AKAP8L: variants seen among roughly 807,000 people sequenced by gnomAD.
AKAP8L encodes A-kinase anchor protein 8-like.
A neutral mutation model predicts 77.5 loss-of-function variants in AKAP8L; 34 were observed. The ratio of observed to expected loss-of-function variants is 0.44; its 90% CI spans 0.33 to 0.58. The LOEUF is 0.58. Ranked by LOEUF, AKAP8L falls within the 20% of genes least tolerant of loss-of-function variation. AKAP8L has a pLI of 0.02. For missense variants in AKAP8L, 806 were observed against 887.6 expected, an observed-to-expected ratio of 0.91 and a Z score of 1.17; for synonymous variants, 342 against 340.7, an observed-to-expected ratio of 1.00 and a Z score of -0.04.
intron 12 of AKAP8L, chr19:15,380,837 G>T (rs1967396491): frequency 3.5e-6 from 2 of 578,106 alleles, no homozygotes; most frequent in African/African-American, 3.7e-5. Flanking sequence ...TAAAAATACA[G>T]ATCTATATAT....
intron 1 of AKAP8L, among the ~76,000 whole-genome samples, chr19:15,418,493 G>A (rs1176008524): frequency 1.3e-5 from 2 of 151,608 alleles, no homozygotes; most frequent in Admixed American, 1.3e-4. Context: ...CGTTTTTGCA[G>A]AGAAACTGCG....
At chr19:15,404,972 T>A (rs543928343) in intron 2 of AKAP8L, among the ~76,000 whole-genome samples, 59 of 152,374 alleles carry the variant, frequency 3.9e-4, no homozygotes, top group Non-Finnish European at 6.8e-4. Flanking sequence ...GAACTGCTGA[T>A]GACCACTATG....
In AKAP8L at chr19:15,401,201, G is replaced by A; in HGVS notation, c.765C>T (p.Gly255=). ...TCCAGGTCCGCCTCATCTGCTTCAT[G>A]CCATTGCCAAACCCGAAACCAAAGC... ...GSRFGFGFGN[G]MKQMRRTWKT... is the part of the protein sequence containing the mutation. The change falls in exon 5 of 14, where the codon GGC becomes GGT. Residue 255 remains glycine (G), a synonymous_variant. Transcript: ENST00000397410. The surrounding 1 kb of genome is among the most constrained non-coding windows in gnomAD (Gnocchi z 6.2). 2 of 1,611,992 alleles carry A rather than the reference G, an allele frequency of 1.2e-6. No homozygotes were observed. The highest frequency in any genetic ancestry group is 1.7e-6 in the Non-Finnish European group (2 of 1,179,188).
intron 12 of AKAP8L, among the ~76,000 whole-genome samples, chr19:15,394,141 T>C (rs1421436738): frequency 6.6e-6 from 1 of 152,156 alleles, no homozygotes; most frequent in Non-Finnish European, 1.5e-5. Context: ...AGAGCATTAT[T>C]CATAATAGCC....
chr19:15,399,457 A>G lies in AKAP8L; in HGVS notation c.1049-47T>C, dbSNP rs371274303. ...GTCACCAATTTGGCTCTGCCAGGACAGGGCAGGCCCTGCGGCCTCTGGCTG... is the reference window on the plus strand; with the variant it reads ...GTCACCAATTTGGCTCTGCCAGGACGGGGCAGGCCCTGCGGCCTCTGGCTG... On this transcript the variant is annotated intron_variant, in intron 8 of 13. Transcript: ENST00000397410. This position sits in a 1 kb window ranked among gnomAD's most constrained non-coding sequence, Gnocchi z 6.1. The G allele has an allele frequency of 1.0e-5, 15 of 1,444,292 alleles. No individual in the cohort carries two copies. In the African/African-American group the frequency reaches 2.0e-4, roughly 19 times the overall value. 89.5% of individuals were successfully genotyped at this position (1,444,292 alleles called of 1,614,324 possible). A position where few individuals can be genotyped will look rare whatever the true frequency, so the allele number is the denominator to read the frequency against.
intron 13 of AKAP8L, 42 bp from the exon 14 acceptor site, chr19:15,380,472 C>CG (rs764244285): frequency 1.2e-6 from 2 of 1,612,774 alleles, no homozygotes; most frequent in Non-Finnish European, 1.7e-6. Context: ...GGAGCACAGG[C>CG]GGGGACTAAG....
At chr19:15,406,263 GT>G (rs1244654523) in intron 2 of AKAP8L, among the ~76,000 whole-genome samples, 1 of 151,340 alleles carries the variant, frequency 6.6e-6, no homozygotes, top group Non-Finnish European at 1.5e-5. Context: ...CTAGACTGGC[GT>G]TTAGGGACTC....
Position 15,404,067 on chromosome 19 carries a change from C to T in AKAP8L, c.89-25G>A, listed in dbSNP as rs369621574. ...CCTACAAAAAGTAAAAGGGCAGTTA[C>T]ATCTATACTTGCTTACAATACAAGG... On this transcript the variant is annotated intron_variant, in intron 2 of 13. Transcript: ENST00000397410. The T allele has an allele frequency of 2.7e-5, 43 of 1,611,744 alleles. No individual in the cohort carries two copies. In the African/African-American group the frequency reaches 4.7e-4, roughly 17 times the overall value.
intron 12 of AKAP8L, among the ~76,000 whole-genome samples, chr19:15,389,653 C>T (rs1967618411): frequency 6.6e-6 from 1 of 152,130 alleles, no homozygotes. Context: ...CACCTGTAAT[C>T]CCAGCTACTC....
In AKAP8L at chr19:15,397,689, G is replaced by A. The variant is rs560088066; in HGVS notation, c.1299+25C>T. Reference sequence around the variant, plus strand: ...TTCTCAGGGGTCCAAGAAACTAAGAGCGGCTGTGTTACTCCAAGGCTCACC... The same window carrying A: ...TTCTCAGGGGTCCAAGAAACTAAGAACGGCTGTGTTACTCCAAGGCTCACC... On this transcript the variant is annotated intron_variant, in intron 10 of 13. Coordinates refer to ENST00000397410, the MANE Select transcript of AKAP8L (RefSeq NM_014371.4). The surrounding 1 kb of genome is among the most constrained non-coding windows in gnomAD (Gnocchi z 4.7). The A allele has an allele frequency of 1.9e-6, 3 of 1,613,988 alleles. No individual in the cohort carries two copies. The highest frequency in any genetic ancestry group is 2.2e-5 in the East Asian group (1 of 44,894).
rs748413083 is a variant in AKAP8L, at chr19:15,380,528, G to T, written c.1621C>A (p.Arg541Ser). The stretch of plus-strand genomic sequence containing the variant: ...GACCAGTGCCTCACCTTCAGGTAGC[G>T]CTCCAGCTTCTTGCTGATGAGCTTG... The part of the protein sequence containing the change: ...NNKLISKKLE[R>S]YLKGENPFTD... Residue 541 changes from arginine to serine, a missense_variant, in exon 13 of 14, where the codon CGC (arginine) becomes AGC (serine). Around this residue, in one of 2 missense-constraint regions of AKAP8L, gnomAD observed 226 missense variants for 193.5 expected, o/e 1.17. Coordinates refer to ENST00000397410, the MANE Select transcript of AKAP8L (RefSeq NM_014371.4). 12 of 1,613,872 alleles carry T rather than the reference G, an allele frequency of 7.4e-6. No individual in the cohort carries two copies. The highest frequency in any genetic ancestry group is 9.3e-6 in the Non-Finnish European group (11 of 1,179,890).
chr19:15,403,875 T>A lies in AKAP8L; in HGVS notation c.121+135A>T. On this transcript the variant is annotated intron_variant, in intron 3 of 13. Transcript: ENST00000397410. The surrounding 1 kb of genome is among the most constrained non-coding windows in gnomAD (Gnocchi z 4.3). ...GGCCCTGGTCATTCTGATGAGGGCC[T>A]CCTGTTAAGGAGTAGGTAACCCCAG... is the stretch of plus-strand genomic sequence containing the variant. 8.7e-7 allele frequency: 1 copy of A among 1,146,290 alleles called. No homozygotes were observed. Among genetic ancestry groups the A allele is most frequent in the African/African-American group, 1.5e-5 (1 of 64,806 alleles). 71.0% of individuals were successfully genotyped at this position (1,146,290 alleles called of 1,614,324 possible). A position where few individuals can be genotyped will look rare whatever the true frequency, so the allele number is the denominator to read the frequency against.
intron 1 of AKAP8L, among the ~76,000 whole-genome samples, chr19:15,418,041 T>A (rs1002636813): frequency 6.6e-6 from 1 of 152,196 alleles, no homozygotes; most frequent in Admixed American, 6.5e-5. Flanking sequence ...CCCGTAAGCC[T>A]TTTACAGCAA....
At chr19:15,415,770 C>A (rs367880353) in intron 1 of AKAP8L, among the ~76,000 whole-genome samples, 101 of 152,060 alleles carry the variant, frequency 6.6e-4, no homozygotes, top group Middle Eastern at 6.8e-3. Context: ...CCTGTAGTCC[C>A]AGCTACTTGG....
At position 15,384,220 on chromosome 19, in the gene AKAP8L, C is replaced by A. The variant is rs545511981; in HGVS notation, c.1537-3608G>T. ...TGCTGGGATTATAGGCGTGAGCCAC[C>A]GTGCCCGGCTAAGGTCTTATTTCAT... On this transcript the variant is annotated intron_variant, in intron 12 of 13. Transcript: ENST00000397410. Among the ~76,000 whole-genome samples the A allele has an allele frequency of 3.0e-4, 46 of 151,866 alleles. 1 individual carries two copies. The highest frequency in any genetic ancestry group is 1.0e-3 in the African/African-American group (43 of 41,462).
rs1229428962 is a variant in AKAP8L, at chr19:15,380,211, A to G, written c.1852T>C (p.Leu618=). The change falls in exon 14 of 14, where the codon TTG becomes CTG. Residue 618 remains leucine, a synonymous_variant. Transcript: ENST00000397410. ...PEEEEEGAVP[L]LGGALQRQIR... ...TGGCGTTGCAGCGCCCCTCCCAGCA[A>G]GGGCACGGCGCCCTCCTCCTCCTCC... The G allele has an allele frequency of 6.6e-7, 1 of 1,507,724 alleles. No homozygotes were observed. The highest frequency in any genetic ancestry group is 2.7e-5 in the East Asian group (1 of 36,724). 93.4% of individuals were successfully genotyped at this position (1,507,724 alleles called of 1,614,324 possible).
chr19:15,401,770 TA>T lies in AKAP8L; in HGVS notation c.363-168del, dbSNP rs1167650448. On this transcript the variant is annotated intron_variant, in intron 4 of 13. Transcript: ENST00000397410. This position sits in a 1 kb window ranked among gnomAD's most constrained non-coding sequence, Gnocchi z 6.2. ...AAGAGTTCCAGCCTCTCAGCTGATA[TA>T]GGGGCACCACTGCCCCAAACTTGAA... Among the ~76,000 whole-genome samples the T allele has an allele frequency of 1.3e-5, 2 of 152,228 alleles. No homozygotes were observed. Among genetic ancestry groups the T allele is most frequent in the Non-Finnish European group, 2.9e-5 (2 of 68,028 alleles).
intron 4 of AKAP8L, among the ~76,000 whole-genome samples, chr19:15,402,729 C>T (rs1967923466): frequency 6.6e-6 from 1 of 152,224 alleles, no homozygotes; most frequent in South Asian, 2.1e-4. Flanking sequence ...CCACTCTATC[C>T]CATGTTAGAG....
At chr19:15,414,177 G>T (rs1029130206) in intron 1 of AKAP8L, among the ~76,000 whole-genome samples, 2 of 147,462 alleles carry the variant, frequency 1.4e-5, no homozygotes, top group African/African-American at 2.5e-5. Flanking sequence ...CGATTCTCCT[G>T]CCTCAGCCTC....
Sources: gnomAD v4.1 joint callset for allele counts (sites outside exome capture counted in the v4.1 genomes callset) on GRCh38, gnomAD v4.1.1 for gene constraint, gnomAD v4.1.1 regional missense constraint, Gnocchi (gnomAD v3.1) non-coding constraint, MANE v1.5 for transcripts, NCBI Gene and HGNC (gene_info 2026-07-23, HGNC 2026-07-21) for gene names.